PARD3B: variants seen among roughly 807,000 people sequenced by gnomAD.
PARD3B encodes partitioning defective 3 homolog B.
A neutral mutation model predicts 130.2 loss-of-function variants in PARD3B; 103 were observed. The ratio of observed to expected loss-of-function variants is 0.79; its 90% CI spans 0.67 to 0.93. PARD3B has a LOEUF of 0.93. Among genes scored for constraint, PARD3B ranks in the 40% least tolerant of loss-of-function variants. The pLI is 0.00. For synonymous variants in PARD3B, 583 were observed against 553.2 expected, an observed-to-expected ratio of 1.05 and a Z score of -0.76; for missense variants, 1,609 against 1,499.2, an observed-to-expected ratio of 1.07 and a Z score of -1.21.
chr2:204,560,888 C>T (rs1170832023), intron 1 of PARD3B, among the ~76,000 whole-genome samples: 1 of 151,680 alleles, frequency 6.6e-6, no homozygotes, highest in East Asian at 1.9e-4. Flanking sequence ...GAAGCAGAAG[C>T]AGAAATGAGC....
rs780647987 is a variant in PARD3B at position 204,652,843 on chromosome 2, G to A, written c.121-33338G>A. Among the ~76,000 whole-genome samples, 18 of 151,130 alleles carry A rather than the reference G, an allele frequency of 1.2e-4. 1 individual carries two copies. The highest frequency in any genetic ancestry group is 1.9e-4 in the Non-Finnish European group (13 of 68,030). On this transcript the variant is annotated intron_variant, in intron 1 of 22. Coordinates refer to ENST00000406610, the MANE Select transcript of PARD3B (RefSeq NM_001302769.2). ...ATGGTGGAAGGTGACAGGGATGCAA[G>A]CACATATTACCATTGTGGATCATGA...
chr2:204,818,709 G>A (rs768172374), intron 2 of PARD3B, among the ~76,000 whole-genome samples: 7 of 152,172 alleles, frequency 4.6e-5, no homozygotes, highest in Non-Finnish European at 8.8e-5. Flanking sequence ...ATCAGTGGAG[G>A]TTGAACATTT....
In PARD3B at chr2:205,269,606, C is replaced by T. The variant is rs114719258; in HGVS notation, c.2185+23784C>T. On this transcript the variant is annotated intron_variant, in intron 16 of 22. Transcript: ENST00000406610. The surrounding 1 kb of genome is among the most constrained non-coding windows in gnomAD (Gnocchi z 4.7). ...AATAACCACACTTACACCTGACAAA[C>T]AAAAATGCATTACTCTGTGACAAGG... Among the ~76,000 whole-genome samples, 852 of 152,104 alleles carry T rather than the reference C, an allele frequency of 5.6e-3. 4 individuals are homozygous for T. Among genetic ancestry groups the T allele is most frequent in the African/African-American group, 0.017 (712 of 41,496 alleles).
At chr2:204,880,657 C>CAAAAAAAAAAAAAAAAAAAAAAAAA (rs746023895) in intron 2 of PARD3B, among the ~76,000 whole-genome samples, 2 of 55,466 alleles carry the variant, frequency 3.6e-5, no homozygotes, top group African/African-American at 5.4e-5. Context: ...GACTCCATCT[C>CAAAAAAAAAAAAAAAAAAAAAAAAA]AAAAAAAAAA....
chr2:204,690,353 T>C (rs897065353), intron 2 of PARD3B, among the ~76,000 whole-genome samples: 5 of 152,178 alleles, frequency 3.3e-5, no homozygotes, highest in African/African-American at 9.7e-5. Flanking sequence ...AACCTGTGAA[T>C]ATGAATGTTA....
intron 18 of PARD3B, among the ~76,000 whole-genome samples, chr2:205,371,770 T>C (rs984362924): frequency 6.6e-6 from 1 of 152,082 alleles, no homozygotes; most frequent in Admixed American, 6.6e-5. Flanking sequence ...AATCCAGTGG[T>C]TTTTAATATA....
At chr2:204,704,113 T>G (rs960498211) in intron 2 of PARD3B, among the ~76,000 whole-genome samples, 4 of 152,178 alleles carry the variant, frequency 2.6e-5, no homozygotes, top group African/African-American at 9.7e-5. Flanking sequence ...TGTACCATCT[T>G]CATCATTTCT....
intron 19 of PARD3B, among the ~76,000 whole-genome samples, chr2:205,430,388 C>T (rs2047290262): frequency 6.6e-6 from 1 of 152,190 alleles, no homozygotes; most frequent in Non-Finnish European, 1.5e-5. Context: ...TCTAACTAAG[C>T]CTCCAGATGC....
chr2:205,313,173 A>G (rs1457002508), intron 18 of PARD3B, among the ~76,000 whole-genome samples: 6 of 152,194 alleles, frequency 3.9e-5, no homozygotes, highest in African/African-American at 1.4e-4. Flanking sequence ...AATTTAGATC[A>G]AGCACATTTA....
chr2:204,925,101 T>C (rs925460400), intron 2 of PARD3B, among the ~76,000 whole-genome samples: 12 of 152,078 alleles, frequency 7.9e-5, no homozygotes, highest in Non-Finnish European at 1.5e-4. Flanking sequence ...TCTCTGTCCC[T>C]GTCTCAGGCA....
At chr2:205,496,648 G>T (rs1272312400) in intron 20 of PARD3B, among the ~76,000 whole-genome samples, 1 of 151,914 alleles carries the variant, frequency 6.6e-6, no homozygotes, top group Admixed American at 6.6e-5. Flanking sequence ...TTGTATTCCT[G>T]CCCCATTCCC....
At chr2:204,917,545 A>G (rs567856300) in intron 2 of PARD3B, among the ~76,000 whole-genome samples, 1 of 152,220 alleles carries the variant, frequency 6.6e-6, no homozygotes, top group African/African-American at 2.4e-5. Context: ...GGTGAATGCT[A>G]TCAGGAGTTT....
chr2:205,368,034 CTG>C (rs2044673417), intron 18 of PARD3B, among the ~76,000 whole-genome samples: 1 of 152,136 alleles, frequency 6.6e-6, no homozygotes, highest in Non-Finnish European at 1.5e-5. Context: ...GTTCAACACT[CTG>C]GGATTTGCCA....
rs1388745302 is a variant in PARD3B, at chr2:205,460,783, G to A, written c.3044+20111G>A. ...CACAGTGACTGGTTCTTCCTATTGT[G>A]TGATCAGCAAGTTGTAGCCATTTTT... On this transcript the variant is annotated intron_variant, in intron 20 of 22. Coordinates refer to ENST00000406610, the MANE Select transcript of PARD3B (RefSeq NM_001302769.2). This position sits in a 1 kb window ranked among gnomAD's most constrained non-coding sequence, Gnocchi z 4.9. Among the ~76,000 whole-genome samples the A allele has an allele frequency of 2.6e-5, 4 of 152,124 alleles. No homozygotes were observed. The highest frequency in any genetic ancestry group is 9.7e-5 in the African/African-American group (4 of 41,432).
At chr2:205,173,063 A>T (rs2035266864) in intron 12 of PARD3B, among the ~76,000 whole-genome samples, 1 of 152,158 alleles carries the variant, frequency 6.6e-6, no homozygotes, top group Admixed American at 6.5e-5. Flanking sequence ...CTCATAAAAT[A>T]ATTTTAGAAA....
chr2:205,202,503 T>C (rs2037050786), intron 15 of PARD3B, among the ~76,000 whole-genome samples: 1 of 152,230 alleles, frequency 6.6e-6, no homozygotes, highest in African/African-American at 2.4e-5. Context: ...ACTTTTATAA[T>C]GCTTCATATG....
chr2:205,338,984 G>A (rs1309329716), intron 18 of PARD3B, among the ~76,000 whole-genome samples: 1 of 152,178 alleles, frequency 6.6e-6, no homozygotes, highest in Non-Finnish European at 1.5e-5. Context: ...CCAATGAAAT[G>A]TATACTACCC....
At chr2:205,236,394 A>G (rs894999290) in intron 15 of PARD3B, among the ~76,000 whole-genome samples, 1 of 139,982 alleles carries the variant, frequency 7.1e-6, no homozygotes, top group African/African-American at 2.7e-5. Flanking sequence ...AGAAAAAAAA[A>G]TTTAGATTGA....
intron 2 of PARD3B, among the ~76,000 whole-genome samples, chr2:204,924,108 G>A (rs967685120): frequency 6.6e-6 from 1 of 152,018 alleles, no homozygotes; most frequent in Admixed American, 6.6e-5. Flanking sequence ...CAGATCTTAT[G>A]AGTCTTGTTT....
Sources: allele counts gnomAD v4.1 joint callset (sites outside exome capture counted in the v4.1 genomes callset), GRCh38; gene constraint gnomAD v4.1.1; non-coding constraint Gnocchi (gnomAD v3.1); transcripts MANE v1.5; gene names NCBI Gene and HGNC (gene_info 2026-07-23, HGNC 2026-07-21).